Variants in SQOR observed in about 807,000 individuals in gnomAD.
The protein encoded by SQOR is sulfide:quinone oxidoreductase, mitochondrial.
SQOR carries 39 observed loss-of-function variants against 48.6 expected under a neutral mutation model. The observed-to-expected ratio is 0.80, with a 90% CI of 0.62 to 1.05. The LOEUF is 1.05. SQOR is among the 50% of genes least tolerant of loss of function. The probability of loss-of-function intolerance (pLI) is 0.00; values close to 1 mark genes in which losing one functional copy is unlikely to be tolerated. For missense variants in SQOR, 561 were observed against 559.9 expected (o/e 1.00, Z -0.02); for synonymous variants, 220 against 206.2 (o/e 1.07, Z -0.57).
chr15:45,639,666 A>T (rs1428772163), intron 1 of SQOR, among the ~76,000 whole-genome samples: 1 of 152,246 alleles, frequency 6.6e-6, no homozygotes, highest in African/African-American at 2.4e-5. Flanking sequence ...TGATGTCTCC[A>T]TAGGAAAATG....
At chr15:45,652,679 A>T (rs1486513042) in intron 1 of SQOR, among the ~76,000 whole-genome samples, 23 of 110,556 alleles carry the variant, frequency 2.1e-4, no homozygotes, top group Non-Finnish European at 3.7e-4. Context: ...TCTCGTTAAG[A>T]TTGTGTGGCT....
At chr15:45,658,291 A>G (rs897870881) in intron 1 of SQOR, among the ~76,000 whole-genome samples, 30 of 152,174 alleles carry the variant, frequency 2.0e-4, no homozygotes, top group African/African-American at 6.8e-4. Flanking sequence ...GTCGGTAGCC[A>G]GTGATTTGAT....
intron 1 of SQOR, among the ~76,000 whole-genome samples, chr15:45,650,501 C>G (rs998116764): frequency 9.2e-5 from 14 of 152,212 alleles, no homozygotes; most frequent in African/African-American, 2.6e-4. Context: ...ACTCAAAGAG[C>G]GAGCAACAGC....
At chr15:45,676,648 G>A (rs1383347992) in intron 6 of SQOR, among the ~76,000 whole-genome samples, 2 of 152,116 alleles carry the variant, frequency 1.3e-5, no homozygotes, top group Non-Finnish European at 2.9e-5. Context: ...AGGTAAGGGA[G>A]GGCTTCCTCG....
At chr15:45,643,940 G>C (rs927481868) in intron 1 of SQOR, among the ~76,000 whole-genome samples, 2 of 151,936 alleles carry the variant, frequency 1.3e-5, no homozygotes, top group Non-Finnish European at 2.9e-5. Flanking sequence ...CTTCTAGAGC[G>C]GTTACTGCCT....
At chr15:45,651,105 G>A (rs568115573) in intron 1 of SQOR, among the ~76,000 whole-genome samples, 4 of 152,342 alleles carry the variant, frequency 2.6e-5, no homozygotes, top group South Asian at 2.1e-4. Flanking sequence ...GGAGCCCACC[G>A]CTGGGGGGCT....
At chr15:45,671,196 C>T (rs1889935376) in intron 4 of SQOR, among the ~76,000 whole-genome samples, 1 of 152,162 alleles carries the variant, frequency 6.6e-6, no homozygotes, top group Non-Finnish European at 1.5e-5. Flanking sequence ...GTCTTGTCAC[C>T]GAGGCTGGAG....
chr15:45,669,671 G>T (rs1455189218), intron 3 of SQOR, among the ~76,000 whole-genome samples: 1 of 152,138 alleles, frequency 6.6e-6, no homozygotes, highest in East Asian at 1.9e-4. Flanking sequence ...GACGGCAGAG[G>T]GCATGATGGG....
chr15:45,665,010 CCT>C (rs1201487912), intron 3 of SQOR, among the ~76,000 whole-genome samples: 28 of 152,188 alleles, frequency 1.8e-4, no homozygotes, highest in Admixed American at 1.4e-3. Flanking sequence ...GGCCAGGAGA[CCT>C]CTCTCATATC....
chr15:45,639,896 T>C (rs2140936732), intron 1 of SQOR, among the ~76,000 whole-genome samples: 1 of 152,346 alleles, frequency 6.6e-6, no homozygotes, highest in East Asian at 1.9e-4. Context: ...AGGTCTTTAA[T>C]GGCAACTAGA....
chr15:45,649,831 T>A (rs573498119), intron 1 of SQOR, among the ~76,000 whole-genome samples: 13 of 151,368 alleles, frequency 8.6e-5, no homozygotes, highest in African/African-American at 2.7e-4. Flanking sequence ...AGGTGGGATA[T>A]GGGCAATGCT....
At chr15:45,675,103 T>C (rs1890013259) in intron 5 of SQOR, among the ~76,000 whole-genome samples, 2 of 152,142 alleles carry the variant, frequency 1.3e-5, no homozygotes, top group Admixed American at 6.5e-5. Context: ...TTGAGACACT[T>C]ACCCACCTGA....
chr15:45,651,294 TCC>T (rs946569379), intron 1 of SQOR, among the ~76,000 whole-genome samples: 12 of 152,062 alleles, frequency 7.9e-5, no homozygotes, highest in African/African-American at 2.9e-4. Context: ...AGCCTGCCAC[TCC>T]AAGTGCGGGG....
chr15:45,687,647 A>AT (rs1337602751), intron 7 of SQOR, among the ~76,000 whole-genome samples: 1 of 152,168 alleles, frequency 6.6e-6, no homozygotes, highest in Non-Finnish European at 1.5e-5. Flanking sequence ...GAATTTGAAC[A>AT]TTTTCCTAAT....
chr15:45,648,195 A>C (rs1435927142), intron 1 of SQOR, among the ~76,000 whole-genome samples: 3 of 149,560 alleles, frequency 2.0e-5, no homozygotes, highest in Non-Finnish European at 4.4e-5. Context: ...TTTTTTTTTG[A>C]GACGGAATCT....
chr15:45,673,982 C>CCAAT (rs1448398977), intron 5 of SQOR, 181 bp downstream of exon 5: 1 of 643,414 alleles, frequency 1.6e-6, no homozygotes, highest in East Asian at 2.8e-5. Context: ...CACTCATGAT[C>CCAAT]CAATTGCTTT....
At chr15:45,671,069 C>T (rs1463267667) in intron 4 of SQOR, among the ~76,000 whole-genome samples, 2 of 152,218 alleles carry the variant, frequency 1.3e-5, no homozygotes, top group Admixed American at 6.5e-5. Context: ...ATAGCAGCCT[C>T]TTGTAGCAAA....
rs1290975068 is a variant in SQOR at position 45,688,123 on chromosome 15, A to T, written c.1049-214A>T. Among the ~76,000 whole-genome samples the T allele has an allele frequency of 2.6e-5, 4 of 152,338 alleles. No homozygotes were observed. In the East Asian group the frequency reaches 7.7e-4, roughly 29 times the overall value. On this transcript the variant is annotated intron_variant, in intron 7 of 9. Transcript: ENST00000260324. ...CACTGGAGGGAGTCGGCTCTTTAGT[A>T]TCAAACCCATGGAAACACATGCGCA... is the stretch of plus-strand genomic sequence containing the variant.
chr15:45,649,225 C>G (rs1192327072), intron 1 of SQOR, among the ~76,000 whole-genome samples: 3 of 152,142 alleles, frequency 2.0e-5, no homozygotes, highest in African/African-American at 7.2e-5. Flanking sequence ...AGGTCTGGAA[C>G]TAGGGGCCAG....
Sources: allele counts gnomAD v4.1 joint callset (sites outside exome capture counted in the v4.1 genomes callset), GRCh38; gene constraint gnomAD v4.1.1; transcripts MANE v1.5; gene names NCBI Gene and HGNC (gene_info 2026-07-23, HGNC 2026-07-21).